The following HYAL2 variants were observed in gnomAD, a reference collection of about 807,000 sequenced individuals.
HYAL2 encodes the protein hyaluronidase-2.
Under a neutral mutation model 35.4 loss-of-function variants are expected in HYAL2, and 30 were observed. The ratio of observed to expected loss-of-function variants is 0.85; its 90% CI spans 0.63 to 1.15. The LOEUF is 1.15. Among genes scored for constraint, HYAL2 ranks in the 50% most tolerant of loss-of-function variants. The pLI, the probability that HYAL2 is intolerant of heterozygous loss-of-function variation, is 0.00. For missense variants in HYAL2, 635 were observed against 646.5 expected, an observed-to-expected ratio of 0.98 and a Z score of 0.19; for synonymous variants, 262 against 252.8, an observed-to-expected ratio of 1.04 and a Z score of -0.34.
Position 50,320,109 on chromosome 3 carries a change from C to G in HYAL2, c.381G>C (p.Ala127=), listed in dbSNP as rs782065541. 6.2e-7 allele frequency: 1 copy of G among 1,613,802 alleles called. No homozygotes were observed. The highest frequency in any genetic ancestry group is 8.5e-7 in the Non-Finnish European group (1 of 1,180,048). Residue 127 remains alanine (A), a synonymous_variant, in exon 2 of 4, where the codon GCG becomes GCC. Coordinates refer to ENST00000357750, the MANE Select transcript of HYAL2 (RefSeq NM_003773.5). The surrounding 1 kb of genome is among the most constrained non-coding windows in gnomAD (Gnocchi z 4.8). ...CCTCCCAGTCGATGACCGCCAGCCC[C>G]GCAGACTCCTGTGTCCGAATGTAGT... is the stretch of plus-strand genomic sequence containing the variant. ...VEHYIRTQES[A]GLAVIDWEDW...
At chr3:50,321,447 G>C (rs1702694856) in intron 1 of HYAL2, 1 of 152,140 alleles carries the variant, frequency 6.6e-6, no homozygotes, top group African/African-American at 2.4e-5. Context: ...CGTTCGCCCA[G>C]GCGCGGCCCG....
In HYAL2 at chr3:50,318,070, A is replaced by C; in HGVS notation, c.*59T>G. Reference sequence around the variant, plus strand: ...TTGTCCACCCCCTGCAGGGTCCTACATGCCTAAGAGAGCCCTTGTGGTAGA... The same window carrying C: ...TTGTCCACCCCCTGCAGGGTCCTACCTGCCTAAGAGAGCCCTTGTGGTAGA... On this transcript the variant is annotated 3_prime_UTR_variant, in exon 4 of 4. Transcript: ENST00000357750. The surrounding 1 kb of genome is among the most constrained non-coding windows in gnomAD (Gnocchi z 4.5). 6.6e-7 allele frequency: 1 copy of C among 1,508,644 alleles called. No homozygotes were observed. The highest frequency in any genetic ancestry group is 8.9e-7 in the Non-Finnish European group (1 of 1,125,790). 93.5% of individuals were successfully genotyped at this position (1,508,644 alleles called of 1,614,324 possible).
chr3:50,318,826 C>T lies in HYAL2; in HGVS notation c.1011+130G>A, dbSNP rs1702618963. The T allele has an allele frequency of 1.2e-6, 1 of 839,998 alleles. No homozygotes were observed. The highest frequency in any genetic ancestry group is 2.0e-6 in the Non-Finnish European group (1 of 504,084). 52.0% of individuals were successfully genotyped at this position (839,998 alleles called of 1,614,324 possible). A position where few individuals can be genotyped will look rare whatever the true frequency, so the allele number is the denominator to read the frequency against. ...CCGGGGTGACCTCCTCCTGTTGCCA[C>T]CAGGGATGCCTCGGGTGGGAGACAG... On this transcript the variant is annotated intron_variant, in intron 3 of 3. Coordinates refer to ENST00000357750, the MANE Select transcript of HYAL2 (RefSeq NM_003773.5). This position sits in a 1 kb window ranked among gnomAD's most constrained non-coding sequence, Gnocchi z 4.5.
chr3:50,319,905 C>G lies in HYAL2; in HGVS notation c.585G>C (p.Lys195Asn). 6.2e-7 allele frequency: 1 copy of G among 1,613,756 alleles called. No homozygotes were observed. Residue 195 changes from lysine (K) to asparagine (N), a missense_variant, in exon 2 of 4, where the codon AAG becomes AAC. Lys to Asn is a moderately conservative substitution (Grantham distance 94). Coordinates refer to ENST00000357750, the MANE Select transcript of HYAL2 (RefSeq NM_003773.5). Reference sequence around the variant, plus strand: ...CCCAGAGGTGCCGGGGCCGCACTGCCTTGACATAACGCAGTGTCTCCAGCA... The same window carrying G: ...CCCAGAGGTGCCGGGGCCGCACTGCGTTGACATAACGCAGTGTCTCCAGCA... ...QFMLETLRYV[K>N]AVRPRHLWGF... is the part of the protein sequence containing the mutation.
Position 50,319,873 on chromosome 3 carries a change from TAGA to T in HYAL2, c.614_616del (p.Phe205del). 1.2e-6 allele frequency: 2 copies of T among 1,613,544 alleles called. No homozygotes were observed. Among genetic ancestry groups the T allele is most frequent in the Non-Finnish European group, 1.7e-6 (2 of 1,180,008 alleles). ...ATGATTGTAGCAGTCAGGAAAGAGGTAGAAGCCCCAGAGGTGCCGGGGCCGCAC... is the reference window on the plus strand; with the variant it reads ...ATGATTGTAGCAGTCAGGAAAGAGGTAGCCCCAGAGGTGCCGGGGCCGCAC... On this transcript the variant is annotated inframe_deletion, in exon 2 of 4. Coordinates refer to ENST00000357750, the MANE Select transcript of HYAL2 (RefSeq NM_003773.5).
chr3:50,318,439 T>C lies in HYAL2; in HGVS notation c.1112A>G (p.His371Arg), dbSNP rs1553715900. 1 of 1,613,072 alleles carries C rather than the reference T, an allele frequency of 6.2e-7. No homozygotes were observed. Among genetic ancestry groups the C allele is most frequent in the African/African-American group, 1.3e-5 (1 of 74,940 alleles). Reference protein sequence around the residue: ...ATQYCSRAQCHGHGRCVRRNP... With the variant: ...ATQYCSRAQCRGHGRCVRRNP... The stretch of plus-strand genomic sequence containing the variant: ...GCGGCGCACACAGCGCCCATGGCCA[T>C]GGCACTGGGCCCGGCTGCAATATTG... The change falls in exon 4 of 4, where the codon CAT (histidine) becomes CGT (arginine). Residue 371 changes from histidine (H) to arginine (R), a missense_variant. Transcript: ENST00000357750. This position sits in a 1 kb window ranked among gnomAD's most constrained non-coding sequence, Gnocchi z 4.5.
In HYAL2 at chr3:50,320,808, T is replaced by G; in HGVS notation, c.-46-273A>C. The stretch of plus-strand genomic sequence containing the variant: ...CTTCTAAGAACTAGATAATTTGGGC[T>G]CACCAGAGTCACATATATGCCTGCA... On this transcript the variant is annotated intron_variant, in intron 1 of 3. Transcript: ENST00000357750. The surrounding 1 kb of genome is among the most constrained non-coding windows in gnomAD (Gnocchi z 4.8). 2.9e-6 allele frequency: 1 copy of G among 343,276 alleles called. No individual in the cohort carries two copies. Among genetic ancestry groups the G allele is most frequent in the Non-Finnish European group, 5.3e-6 (1 of 188,016 alleles). The allele number at this position is 343,276 out of a possible 1,614,324, so 21.3% of individuals were successfully genotyped here.
Position 50,320,065 on chromosome 3 carries a change from A to G in HYAL2, c.425T>C (p.Val142Ala). Reference sequence around the variant, plus strand: ...CACATCTTTGTCCTGCCAGTTGCGCACCCACACAGGTCGCCAGTCCTCCCA... The same window carrying G: ...CACATCTTTGTCCTGCCAGTTGCGCGCCCACACAGGTCGCCAGTCCTCCCA... ...IDWEDWRPVW[V>A]RNWQDKDVYR... Residue 142 changes from valine (V) to alanine (A), a missense_variant, in exon 2 of 4, where the codon GTG becomes GCG. Physicochemically the swap from Val to Ala is moderately conservative, Grantham distance 64. Coordinates refer to ENST00000357750, the MANE Select transcript of HYAL2 (RefSeq NM_003773.5). This position sits in a 1 kb window ranked among gnomAD's most constrained non-coding sequence, Gnocchi z 4.8. The G allele has an allele frequency of 6.2e-7, 1 of 1,613,460 alleles. No homozygotes were observed. The highest frequency in any genetic ancestry group is 1.3e-5 in the African/African-American group (1 of 75,048).
chr3:50,321,640 T>C (rs1217984950), intron 1 of HYAL2: 2 of 151,028 alleles, frequency 1.3e-5, no homozygotes, highest in Non-Finnish European at 1.5e-5. Context: ...TGGCCGCCCA[T>C]TTAGGACCCT....
chr3:50,319,714 G>A lies in HYAL2; in HGVS notation c.776C>T (p.Ala259Val), dbSNP rs1553716204. 3.7e-6 allele frequency: 6 copies of A among 1,613,746 alleles called. No individual in the cohort carries two copies. Among genetic ancestry groups the A allele is most frequent in the Non-Finnish European group, 5.1e-6 (6 of 1,180,054 alleles). ...AAAGTTGCGGCCATGGCGGGAGGAA[G>A]CAAGTGTCTCGTCCAGGTAGACAGA... Reference protein sequence around the residue: ...FPSVYLDETLASSRHGRNFVS... With the variant: ...FPSVYLDETLVSSRHGRNFVS... The change falls in exon 2 of 4, where the codon GCT (alanine) becomes GTT (valine). Residue 259 changes from alanine (A) to valine (V), a missense_variant. Transcript: ENST00000357750.
Position 50,319,689 on chromosome 3 carries a change from A to G in HYAL2, c.801T>C (p.Phe267=). The G allele has an allele frequency of 6.2e-7, 1 of 1,613,966 alleles. No homozygotes were observed. Residue 267 remains phenylalanine, a synonymous_variant, in exon 2 of 4, where the codon TTT becomes TTC. Coordinates refer to ENST00000357750, the MANE Select transcript of HYAL2 (RefSeq NM_003773.5). The stretch of plus-strand genomic sequence containing the variant: ...GGGCCTCCTGAACACGGAAGCTCAC[A>G]AAGTTGCGGCCATGGCGGGAGGAAG... ...TLASSRHGRN[F]VSFRVQEALR...
In HYAL2 at chr3:50,318,912, G is replaced by C; in HGVS notation, c.1011+44C>G. ...TGGTAGCCAAAGGCCCTAACTCTCT[G>C]TCTGTCCCATAGACTGAGCTCTGGC... On this transcript the variant is annotated intron_variant, in intron 3 of 3. Transcript: ENST00000357750. This position sits in a 1 kb window ranked among gnomAD's most constrained non-coding sequence, Gnocchi z 4.5. The C allele has an allele frequency of 1.3e-6, 2 of 1,543,148 alleles. No individual in the cohort carries two copies. The highest frequency in any genetic ancestry group is 1.8e-6 in the Non-Finnish European group (2 of 1,115,864).
chr3:50,318,416 GGC>G lies in HYAL2; in HGVS notation c.1133_1134del (p.Arg378ProfsTer26). ...AGGAAGGTACTGGCACTGGGGTTGC[GGC>G]GCACACAGCGCCCATGGCCATGGCA... ...AQCHGHGRCV[R>X]RNPSASTFLH... On this transcript the variant is annotated frameshift_variant, in exon 4 of 4. Coordinates refer to ENST00000357750, the MANE Select transcript of HYAL2 (RefSeq NM_003773.5). LOFTEE classifies it high-confidence loss of function. This position sits in a 1 kb window ranked among gnomAD's most constrained non-coding sequence, Gnocchi z 4.5. The G allele has an allele frequency of 6.2e-7, 1 of 1,613,262 alleles. No homozygotes were observed.
rs1427093397 is a variant in HYAL2, at chr3:50,320,679, C to G, written c.-46-144G>C. ...AGGTTTGAGAGACCACAGGCCACTG[C>G]AGGGCAGACAAGGCACCCTGGGAAC... On this transcript the variant is annotated intron_variant, in intron 1 of 3. Transcript: ENST00000357750. This position sits in a 1 kb window ranked among gnomAD's most constrained non-coding sequence, Gnocchi z 4.8. 9 of 566,060 alleles carry G rather than the reference C, an allele frequency of 1.6e-5. No individual in the cohort carries two copies. In the African/African-American group the frequency reaches 1.7e-4, roughly 11 times the overall value. The allele number at this position is 566,060 out of a possible 1,614,324, so 35.1% of individuals were successfully genotyped here.
At position 50,320,132 on chromosome 3, in the gene HYAL2, A is replaced by G. The variant is rs369697604; in HGVS notation, c.358T>C (p.Tyr120His). Residue 120 changes from tyrosine to histidine, a missense_variant, in exon 2 of 4, where the codon TAC (tyrosine) becomes CAC (histidine). By Grantham distance (83) the Tyr-to-His change is moderately conservative. Transcript: ENST00000357750. The surrounding 1 kb of genome is among the most constrained non-coding windows in gnomAD (Gnocchi z 4.8). ...RKMLQKRVEH[Y>H]IRTQESAGLA... ...CCCGCAGACTCCTGTGTCCGAATGTAGTGCTCCACACGTTTCTGCAGCATC... is the reference window on the plus strand; with the variant it reads ...CCCGCAGACTCCTGTGTCCGAATGTGGTGCTCCACACGTTTCTGCAGCATC... The G allele has an allele frequency of 1.2e-6, 2 of 1,613,842 alleles. No individual in the cohort carries two copies. The highest frequency in any genetic ancestry group is 1.7e-6 in the Non-Finnish European group (2 of 1,180,042).
chr3:50,321,828 G>GA (rs1286749044), intron 1 of HYAL2: 2 of 112,522 alleles, frequency 1.8e-5, no homozygotes, highest in South Asian at 3.3e-4. Flanking sequence ...GGGGGGGGGG[G>GA]AATAGGAGGA....
At position 50,318,191 on chromosome 3, in the gene HYAL2, C is replaced by T; in HGVS notation, c.1360G>A (p.Ala454Thr). The T allele has an allele frequency of 6.2e-7, 1 of 1,611,334 alleles. No homozygotes were observed. The highest frequency in any genetic ancestry group is 1.1e-5 in the South Asian group (1 of 90,710). Residue 454 changes from alanine (A) to threonine (T), a missense_variant, in exon 4 of 4, where the codon GCT (alanine) becomes ACT (threonine). By Grantham distance (58) the Ala-to-Thr change is moderately conservative. Coordinates refer to ENST00000357750, the MANE Select transcript of HYAL2 (RefSeq NM_003773.5). This position sits in a 1 kb window ranked among gnomAD's most constrained non-coding sequence, Gnocchi z 4.5. ...AGCAGACTGGTGAGGTGGGACCCAGCCCAGGCCTCGCTGGCACCTCCAGCT... is the reference window on the plus strand; with the variant it reads ...AGCAGACTGGTGAGGTGGGACCCAGTCCAGGCCTCGCTGGCACCTCCAGCT... ...QAAGGASEAW[A>T]GSHLTSLLAL...
chr3:50,318,617 C>T lies in HYAL2; in HGVS notation c.1012-78G>A. On this transcript the variant is annotated intron_variant, in intron 3 of 3. Coordinates refer to ENST00000357750, the MANE Select transcript of HYAL2 (RefSeq NM_003773.5). The surrounding 1 kb of genome is among the most constrained non-coding windows in gnomAD (Gnocchi z 4.5). ...GGCCCAGATGGAAACTGTGTCCACA[C>T]TGTGATGACTATACCTTATTTTAAC... 1 of 1,291,412 alleles carries T rather than the reference C, an allele frequency of 7.7e-7. No homozygotes were observed. Among genetic ancestry groups the T allele is most frequent in the South Asian group, 1.4e-5 (1 of 72,372 alleles). 80.0% of individuals were successfully genotyped at this position (1,291,412 alleles called of 1,614,324 possible).
chr3:50,318,608 G>C lies in HYAL2; in HGVS notation c.1012-69C>G. 7.2e-7 allele frequency: 1 copy of C among 1,387,124 alleles called. No individual in the cohort carries two copies. The highest frequency in any genetic ancestry group is 9.9e-7 in the Non-Finnish European group (1 of 1,005,690). The allele number at this position is 1,387,124 out of a possible 1,614,324, so 85.9% of individuals were successfully genotyped here. Reference sequence around the variant, plus strand: ...CAGCCCACAGGCCCAGATGGAAACTGTGTCCACACTGTGATGACTATACCT... The same window carrying C: ...CAGCCCACAGGCCCAGATGGAAACTCTGTCCACACTGTGATGACTATACCT... On this transcript the variant is annotated intron_variant, in intron 3 of 3. Coordinates refer to ENST00000357750, the MANE Select transcript of HYAL2 (RefSeq NM_003773.5). The surrounding 1 kb of genome is among the most constrained non-coding windows in gnomAD (Gnocchi z 4.5).
Sources: allele counts gnomAD v4.1 joint callset, GRCh38; gene constraint gnomAD v4.1.1; non-coding constraint Gnocchi (gnomAD v3.1); transcripts MANE v1.5; gene names NCBI Gene and HGNC (gene_info 2026-07-23, HGNC 2026-07-21).